Variants in CPAMD8 observed in about 807,000 individuals in gnomAD.
The protein encoded by CPAMD8 is C3 and PZP-like alpha-2-macroglobulin domain-containing protein 8.
CPAMD8 carries 146 observed loss-of-function variants against 224.7 expected under a neutral mutation model. The ratio of observed to expected loss-of-function variants is 0.65; its 90% CI spans 0.57 to 0.75. The LOEUF (loss-of-function observed/expected upper bound fraction) is 0.75, where lower values mean the gene tolerates loss of function less well. Ranked by LOEUF, CPAMD8 falls within the 30% of genes least tolerant of loss-of-function variation. CPAMD8 has a pLI of 0.00. For synonymous variants in CPAMD8, 966 were observed against 1,044.6 expected, an observed-to-expected ratio of 0.92 and a Z score of 1.45; for missense variants, 2,301 against 2,537.5, an observed-to-expected ratio of 0.91 and a Z score of 2.00.
At position 16,975,963 on chromosome 19, in the gene CPAMD8, C is replaced by T. The variant is rs10405002; in HGVS notation, c.1908+39G>A. 15,051 of 1,483,516 alleles carry T rather than the reference C, an allele frequency of 0.01. 875 individuals carry two copies. In the African/African-American group the frequency reaches 0.15, roughly 15 times the overall value. 91.9% of individuals were successfully genotyped at this position (1,483,516 alleles called of 1,614,324 possible). On this transcript the variant is annotated intron_variant, in intron 16 of 41. Transcript: ENST00000443236. ...GGGAGAGCAAGAGAAGGTAAAGCCC[C>T]GTGGAGGTCTAGAACCCAAGCCCGA...
At position 16,939,906 on chromosome 19, in the gene CPAMD8, T is replaced by G. The variant is rs189895408; in HGVS notation, c.2794-1460A>C. 2.0e-5 allele frequency among the ~76,000 whole-genome samples: 3 copies of G among 151,912 alleles called. No homozygotes were observed. The East Asian group carries it at 5.8e-4, about 29-fold the overall frequency. ...TGTTGTTGTTGTTGTTTTGGGTTTT[T>G]TTTGTTTTTGTTTTTGTTTTTTTTT... On this transcript the variant is annotated intron_variant, in intron 22 of 41. Transcript: ENST00000443236.
intron 13 of CPAMD8, among the ~76,000 whole-genome samples, chr19:16,985,342 C>CGGATGGATGGATGGAT (rs145736282): frequency 0.3 from 43,062 of 142,676 alleles, 6,750 homozygotes; most frequent in East Asian, 0.49. Context: ...GGATGAAGGG[C>CGGATGGATGGATGGAT]GGATGGATGG....
chr19:17,007,458 G>A (rs935531179), intron 7 of CPAMD8, among the ~76,000 whole-genome samples: 3 of 151,642 alleles, frequency 2.0e-5, no homozygotes, highest in African/African-American at 4.9e-5. Flanking sequence ...AAGGAAGATC[G>A]AAGAAGAAGG....
rs1396506701 is a variant in CPAMD8, at chr19:17,022,127, G to A, written c.147C>T (p.Ile49=). The change falls in exon 2 of 42, where the codon ATC becomes ATT. Residue 49 remains isoleucine (I), a synonymous_variant. Coordinates refer to ENST00000443236, the MANE Select transcript of CPAMD8 (RefSeq NM_015692.5). ...SVFRAGVEEV[I]SVTIFNSPRE... ...TTGGAGAGTTAAAGATGGTCACGCT[G>A]ATGACTTCCTCCACGCCCGCGCGAA... 1.9e-6 allele frequency: 3 copies of A among 1,608,448 alleles called. No individual in the cohort carries two copies. The highest frequency in any genetic ancestry group is 2.5e-6 in the Non-Finnish European group (3 of 1,177,224).
At chr19:17,001,332 A>C (rs890466191) in intron 9 of CPAMD8, among the ~76,000 whole-genome samples, 1 of 150,614 alleles carries the variant, frequency 6.6e-6, no homozygotes, top group Non-Finnish European at 1.5e-5. Flanking sequence ...AAAAAAAAAA[A>C]AAAAAAAAAA....
chr19:16,979,284 ATCCT>A, intron 14 of CPAMD8, among the ~76,000 whole-genome samples: 1 of 148,376 alleles, frequency 6.7e-6, no homozygotes, highest in Non-Finnish European at 1.5e-5. Flanking sequence ...CCATCCATCC[ATCCT>A]TCTGTACCTC....
chr19:16,996,501 C>G (rs922598599), intron 11 of CPAMD8, among the ~76,000 whole-genome samples: 1 of 152,066 alleles, frequency 6.6e-6, no homozygotes, highest in African/African-American at 2.4e-5. Flanking sequence ...GGGCTCTCAA[C>G]TTAGGTCCTC....
chr19:16,961,775 A>G (rs2054666146), intron 18 of CPAMD8, among the ~76,000 whole-genome samples: 1 of 152,206 alleles, frequency 6.6e-6, no homozygotes, highest in Non-Finnish European at 1.5e-5. Flanking sequence ...GGGCCGACAA[A>G]CACCTCATAT....
Position 17,011,513 on chromosome 19 carries a change from A to T in CPAMD8, c.437T>A (p.Leu146His). The part of the protein sequence containing the change: ...KPVYRPQHRV[L>H]ISIFTVSPNL... ...TGGAGAGACGGTGAAGATGCTTATG[A>T]GCACTAGAAGAAAGAAGAGAGGCGT... Residue 146 changes from leucine to histidine, a missense_variant, in exon 5 of 42, where the codon CTC becomes CAC. Leu to His is a moderately conservative substitution (Grantham distance 99, BLOSUM62 -3). Around this residue, in one of 4 missense-constraint regions of CPAMD8, gnomAD observed 283 missense variants for 340.6 expected, o/e 0.83. Transcript: ENST00000443236. 1 of 1,614,186 alleles carries T rather than the reference A, an allele frequency of 6.2e-7. No homozygotes were observed.
chr19:16,962,348 T>C (rs1287115256), intron 18 of CPAMD8, among the ~76,000 whole-genome samples: 1 of 152,140 alleles, frequency 6.6e-6, no homozygotes, highest in Admixed American at 6.6e-5. Context: ...AGAACTTAAA[T>C]GACCTGATGG....
chr19:16,980,390 T>G, intron 14 of CPAMD8, 107 bp downstream of exon 14: 3 of 1,018,500 alleles, frequency 2.9e-6, no homozygotes, highest in Non-Finnish European at 4.4e-6. Flanking sequence ...CAAGGCATGC[T>G]CCCCTCTCTG....
intron 25 of CPAMD8, among the ~76,000 whole-genome samples, chr19:16,927,065 C>T (rs2053389565): frequency 6.6e-6 from 1 of 152,096 alleles, no homozygotes; most frequent in African/African-American, 2.4e-5. Flanking sequence ...CACCCTTCTG[C>T]CCAACTCCTA....
chr19:16,958,783 T>C (rs1170845585), intron 18 of CPAMD8, among the ~76,000 whole-genome samples: 2 of 151,452 alleles, frequency 1.3e-5, no homozygotes, highest in African/African-American at 4.8e-5. Flanking sequence ...CCAACATCTG[T>C]TATTTTTTTA....
chr19:16,918,780 G>C (rs564345040), intron 27 of CPAMD8, among the ~76,000 whole-genome samples: 1 of 140,132 alleles, frequency 7.1e-6, no homozygotes, highest in Non-Finnish European at 1.5e-5. Context: ...GAATAGTTTC[G>C]ATCTGTAGTT....
intron 20 of CPAMD8, among the ~76,000 whole-genome samples, chr19:16,950,670 G>A (rs1018905554): frequency 1.3e-5 from 2 of 151,784 alleles, no homozygotes; most frequent in East Asian, 3.9e-4. Context: ...GTGCACACCT[G>A]TAGTCCCATC....
chr19:16,908,460 G>A (rs1269334431), intron 29 of CPAMD8, among the ~76,000 whole-genome samples: 2 of 152,104 alleles, frequency 1.3e-5, no homozygotes, highest in African/African-American at 4.8e-5. Context: ...CCTTAGAGAA[G>A]CCCACCAGCC....
chr19:16,901,318 A>G, intron 35 of CPAMD8, 21 bp from the exon 36 acceptor site: 3 of 1,531,432 alleles, frequency 2.0e-6, no homozygotes, highest in Non-Finnish European at 1.8e-6. Context: ...CAGGGGAGAG[A>G]GAGAGGCCCT....
chr19:16,970,155 C>A (rs1363882914), intron 18 of CPAMD8, among the ~76,000 whole-genome samples: 1 of 142,004 alleles, frequency 7.0e-6, no homozygotes, highest in Non-Finnish European at 1.5e-5. Context: ...AGGAGAATGG[C>A]GTGAACCTGG....
chr19:16,896,601 G>T lies in CPAMD8; in HGVS notation c.5130C>A (p.Cys1710Ter). The change falls in exon 40 of 42, where the codon TGC (cysteine) becomes TGA (stop). Residue 1710 changes from cysteine to a stop codon, truncating the protein, a stop_gained. Coordinates refer to ENST00000443236, the MANE Select transcript of CPAMD8 (RefSeq NM_015692.5). LOFTEE classifies it high-confidence loss of function. Reference sequence around the variant, plus strand: ...GGGCGCCGCAGTCGTGGTCGCAGCCGCATCGCGCGATCGCCGCCCCCTCCT... The same window carrying T: ...GGGCGCCGCAGTCGTGGTCGCAGCCTCATCGCGCGATCGCCGCCCCCTCCT... The part of the protein sequence containing the change: ...APEEGAAIAR[C>*]GCDHDCGAQG... The T allele has an allele frequency of 1.3e-6, 2 of 1,506,180 alleles. No homozygotes were observed. The highest frequency in any genetic ancestry group is 2.5e-5 in the South Asian group (2 of 80,330). 93.3% of individuals were successfully genotyped at this position (1,506,180 alleles called of 1,614,324 possible). A position where few individuals can be genotyped will look rare whatever the true frequency, so the allele number is the denominator to read the frequency against.
Sources: allele counts gnomAD v4.1 joint callset (sites outside exome capture counted in the v4.1 genomes callset), GRCh38; gene constraint gnomAD v4.1.1; regional missense constraint gnomAD v4.1.1; transcripts MANE v1.5; gene names NCBI Gene and HGNC (gene_info 2026-07-23, HGNC 2026-07-21).